Variants in WDR25 observed in about 807,000 individuals in gnomAD.
WDR25 encodes the protein WD repeat-containing protein 25.
A neutral mutation model predicts 47.7 loss-of-function variants in WDR25; 35 were observed. The ratio of observed to expected loss-of-function variants is 0.73; its 90% CI spans 0.56 to 0.97. WDR25 has a LOEUF of 0.97. WDR25 is among the 50% of genes least tolerant of loss of function. WDR25 has a pLI of 0.00. For missense variants in WDR25, 634 were observed against 704.7 expected (o/e 0.90, Z 1.14); for synonymous variants, 248 against 278.9 (o/e 0.89, Z 1.10).
chr14:100,472,542 A>G (rs1899877452), intron 3 of WDR25, among the ~76,000 whole-genome samples: 1 of 152,244 alleles, frequency 6.6e-6, no homozygotes, highest in South Asian at 2.1e-4. Context: ...GTCATGGCCC[A>G]TGAGGCCCTT....
intron 3 of WDR25, among the ~76,000 whole-genome samples, chr14:100,479,294 G>A (rs576236220): frequency 6.6e-6 from 1 of 152,270 alleles, no homozygotes; most frequent in South Asian, 2.1e-4. Context: ...AGGGGGACTT[G>A]CTAGTTGGTC....
At chr14:100,432,910 A>G (rs1898383241) in intron 2 of WDR25, among the ~76,000 whole-genome samples, 2 of 152,228 alleles carry the variant, frequency 1.3e-5, no homozygotes, top group Admixed American at 1.3e-4. Flanking sequence ...CATTGCTCCT[A>G]GGCTACACAG....
chr14:100,490,465 A>G (rs1412977042), intron 4 of WDR25, among the ~76,000 whole-genome samples: 2 of 152,194 alleles, frequency 1.3e-5, no homozygotes, highest in Non-Finnish European at 2.9e-5. Context: ...GATGGGAGTG[A>G]TCTCAGGATG....
intron 3 of WDR25, among the ~76,000 whole-genome samples, chr14:100,470,429 T>C (rs1899790762): frequency 6.6e-6 from 1 of 152,234 alleles, no homozygotes; most frequent in South Asian, 2.1e-4. Flanking sequence ...GATGGGTTCA[T>C]AGTGGCCCTT....
chr14:100,382,492 G>A (rs1162124118), intron 2 of WDR25, among the ~76,000 whole-genome samples: 1 of 152,180 alleles, frequency 6.6e-6, no homozygotes, highest in Non-Finnish European at 1.5e-5. Context: ...GGTTGCACGT[G>A]CCCTTCTGGG....
chr14:100,527,608 G>A (rs1311098195), intron 5 of WDR25, among the ~76,000 whole-genome samples: 1 of 152,224 alleles, frequency 6.6e-6, no homozygotes, highest in East Asian at 1.9e-4. Flanking sequence ...GGCCCTTGTG[G>A]GGAGCTGGAG....
chr14:100,424,852 G>C lies in WDR25; in HGVS notation c.822+43106G>C, dbSNP rs978339541. Among the ~76,000 whole-genome samples the C allele has an allele frequency of 1.2e-4, 18 of 152,152 alleles. No homozygotes were observed. Among genetic ancestry groups the C allele is most frequent in the Admixed American group, 9.2e-4 (14 of 15,286 alleles). ...CCATTCCACTGACAAGGAAACTCAG[G>C]CTCAACAAGGTGATGCCTTTCCCAG... is the stretch of plus-strand genomic sequence containing the variant. On this transcript the variant is annotated intron_variant, in intron 2 of 6. Transcript: ENST00000402312. This position sits in a 1 kb window ranked among gnomAD's most constrained non-coding sequence, Gnocchi z 4.2.
intron 3 of WDR25, among the ~76,000 whole-genome samples, chr14:100,477,760 GA>G (rs1171049886): frequency 6.6e-6 from 1 of 152,168 alleles, no homozygotes; most frequent in African/African-American, 2.4e-5. Flanking sequence ...GAGAAAAGCT[GA>G]AAAAGCATTA....
chr14:100,382,338 A>T (rs1311135681), intron 2 of WDR25, among the ~76,000 whole-genome samples: 1 of 152,100 alleles, frequency 6.6e-6, no homozygotes, highest in Non-Finnish European at 1.5e-5. Context: ...AGGAAGGGGA[A>T]GGTTCGCTTG....
chr14:100,387,246 A>C (rs1482191674), intron 2 of WDR25, among the ~76,000 whole-genome samples: 2 of 152,140 alleles, frequency 1.3e-5, no homozygotes, highest in Non-Finnish European at 2.9e-5. Context: ...GTTATAAAAC[A>C]AAGTGTAGAA....
chr14:100,377,277 C>T (rs570781786), intron 1 of WDR25, among the ~76,000 whole-genome samples: 7 of 131,982 alleles, frequency 5.3e-5, no homozygotes, highest in Non-Finnish European at 8.0e-5. Flanking sequence ...GATGAGCTGG[C>T]TGGCTGGCTT....
At chr14:100,408,422 G>C (rs1885609066) in intron 2 of WDR25, among the ~76,000 whole-genome samples, 1 of 152,160 alleles carries the variant, frequency 6.6e-6, no homozygotes, top group Non-Finnish European at 1.5e-5. Context: ...CTGTGTGGAG[G>C]GGTTAGGGTG....
At chr14:100,465,640 G>A (rs187118902) in intron 2 of WDR25, among the ~76,000 whole-genome samples, 10 of 152,158 alleles carry the variant, frequency 6.6e-5, no homozygotes, top group African/African-American at 2.4e-4. Flanking sequence ...CCCCTCTTTT[G>A]GCTATTATTA....
intron 2 of WDR25, among the ~76,000 whole-genome samples, chr14:100,445,962 A>G (rs1404361441): frequency 1.3e-5 from 2 of 152,204 alleles, no homozygotes; most frequent in Non-Finnish European, 2.9e-5. Flanking sequence ...GTGTTGAGGT[A>G]AAGGATCTGA....
intron 2 of WDR25, among the ~76,000 whole-genome samples, chr14:100,438,721 A>T (rs1898575108): frequency 1.3e-5 from 2 of 152,200 alleles, no homozygotes; most frequent in South Asian, 4.1e-4. Flanking sequence ...TTGATTAAGG[A>T]GAAGAGAGAG....
At chr14:100,467,864 C>T (rs368249106) in intron 2 of WDR25, among the ~76,000 whole-genome samples, 157 bp from the exon 3 acceptor site, 1 of 152,124 alleles carries the variant, frequency 6.6e-6, no homozygotes, top group Non-Finnish European at 1.5e-5. Context: ...CTTTACATTT[C>T]TGCAATGAAA....
Position 100,530,100 on chromosome 14 carries a change from A to C in WDR25, c.*59A>C. On this transcript the variant is annotated 3_prime_UTR_variant, in exon 7 of 7. Transcript: ENST00000402312. Reference sequence around the variant, plus strand: ...GGGCTCTTGGACTCCCCTCTTCCTCAAGGGTAGATGAGAGGAACGAGCACA... The same window carrying C: ...GGGCTCTTGGACTCCCCTCTTCCTCCAGGGTAGATGAGAGGAACGAGCACA... 3 of 1,531,390 alleles carry C rather than the reference A, an allele frequency of 2.0e-6. No individual in the cohort carries two copies. Among genetic ancestry groups the C allele is most frequent in the Non-Finnish European group, 1.8e-6 (2 of 1,125,490 alleles). The allele number at this position is 1,531,390 out of a possible 1,614,324, so 94.9% of individuals were successfully genotyped here. A position where few individuals can be genotyped will look rare whatever the true frequency, so the allele number is the denominator to read the frequency against.
Position 100,412,651 on chromosome 14 carries a change from C to A in WDR25, c.822+30905C>A, listed in dbSNP as rs551725384. 7.9e-5 allele frequency among the ~76,000 whole-genome samples: 12 copies of A among 151,850 alleles called. No homozygotes were observed. The East Asian group carries it at 2.3e-3, about 29-fold the overall frequency. On this transcript the variant is annotated intron_variant, in intron 2 of 6. Transcript: ENST00000402312. ...CTAACCTTTCAGTTGTGTTTTTAATCTTCTTGTTGGGAAAATGGGTAATGT... is the reference window on the plus strand; with the variant it reads ...CTAACCTTTCAGTTGTGTTTTTAATATTCTTGTTGGGAAAATGGGTAATGT...
Position 100,434,015 on chromosome 14 carries a change from C to T in WDR25, c.823-34006C>T, listed in dbSNP as rs368905079. On this transcript the variant is annotated intron_variant, in intron 2 of 6. Transcript: ENST00000402312. ...CTGAGGCAGGGGGGTCACGTGAGGC[C>T]GGGAGTTTGAGACCAGCCTGGGCAA... 4.3e-4 allele frequency among the ~76,000 whole-genome samples: 65 copies of T among 150,174 alleles called. No homozygotes were observed. The South Asian group carries it at 9.4e-3, about 22-fold the overall frequency.
Sources: gnomAD v4.1 joint callset for allele counts (sites outside exome capture counted in the v4.1 genomes callset) on GRCh38, gnomAD v4.1.1 for gene constraint, Gnocchi (gnomAD v3.1) non-coding constraint, MANE v1.5 for transcripts, NCBI Gene and HGNC (gene_info 2026-07-23, HGNC 2026-07-21) for gene names.